The following HPSE2 variants were observed in gnomAD, a reference collection of about 807,000 sequenced individuals.
HPSE2 encodes inactive heparanase-2.
In HPSE2, 38 loss-of-function variants were observed where a neutral mutation model predicts 60.5. The observed-to-expected ratio is 0.63, with a 90% CI of 0.48 to 0.82. The LOEUF is 0.82. HPSE2 is among the 40% of genes least tolerant of loss of function. The pLI is 0.00. For missense variants in HPSE2, 713 were observed against 740.4 expected (o/e 0.96, Z 0.43); for synonymous variants, 295 against 293.2 (o/e 1.01, Z -0.06).
chr10:99,248,271 G>T, the HPSE2 span, among the ~76,000 whole-genome samples: 2 of 152,214 alleles, frequency 1.3e-5, no homozygotes, highest in Non-Finnish European at 2.9e-5. Flanking sequence ...GGACAATGAA[G>T]TCCAGGCTGA....
intron 3 of HPSE2, among the ~76,000 whole-genome samples, chr10:98,897,247 G>A (rs1388099290): frequency 6.6e-6 from 1 of 152,114 alleles, no homozygotes; most frequent in Non-Finnish European, 1.5e-5. Context: ...CACCGCTTGG[G>A]TGATAGGTGC....
intron 9 of HPSE2, among the ~76,000 whole-genome samples, chr10:98,555,702 G>T (rs1300626327): frequency 6.6e-6 from 1 of 152,138 alleles, no homozygotes; most frequent in African/African-American, 2.4e-5. Flanking sequence ...ATAAATTTTG[G>T]TTTTTAAAAC....
intron 3 of HPSE2, among the ~76,000 whole-genome samples, chr10:99,034,048 T>C (rs1289516849): frequency 6.6e-6 from 1 of 152,174 alleles, no homozygotes; most frequent in African/African-American, 2.4e-5. Context: ...AGCAACTTTA[T>C]TCATGACTGC....
chr10:98,938,553 C>G (rs1241799644), intron 3 of HPSE2, among the ~76,000 whole-genome samples: 1 of 142,850 alleles, frequency 7.0e-6, no homozygotes, highest in African/African-American at 2.9e-5. Context: ...AGAATAAAAA[C>G]AAACAAAGCC....
At chr10:98,538,246 C>G (rs190058301) in intron 9 of HPSE2, among the ~76,000 whole-genome samples, 2 of 152,292 alleles carry the variant, frequency 1.3e-5, no homozygotes, top group Admixed American at 1.3e-4. Flanking sequence ...TCATTTATTA[C>G]AATCTTTCGT....
intron 2 of HPSE2, among the ~76,000 whole-genome samples, chr10:99,186,135 C>CAT (rs1554912937): frequency 1.2e-4 from 18 of 150,908 alleles, no homozygotes; most frequent in African/African-American, 4.4e-4. Flanking sequence ...CACACACACA[C>CAT]ACACACACAC....
At chr10:98,988,065 C>G (rs11511376) in intron 3 of HPSE2, among the ~76,000 whole-genome samples, 1 of 142,508 alleles carries the variant, frequency 7.0e-6, no homozygotes, top group Non-Finnish European at 1.6e-5. Flanking sequence ...AATGGCCATA[C>G]TGCCCAAGGT....
intron 6 of HPSE2, among the ~76,000 whole-genome samples, chr10:98,659,817 G>A (rs1947176368): frequency 6.6e-6 from 1 of 152,068 alleles, no homozygotes; most frequent in Non-Finnish European, 1.5e-5. Context: ...AGAAAACAAA[G>A]ACAATCTGGG....
At chr10:98,490,228 A>G (rs768057552) in intron 9 of HPSE2, 32 bp from the exon 10 acceptor site, 3 of 1,611,182 alleles carry the variant, frequency 1.9e-6, no homozygotes, top group Non-Finnish European at 2.5e-6. Flanking sequence ...AGGGTCAGCG[A>G]GAGAACACAT....
At chr10:98,546,152 G>T (rs1466002349) in intron 9 of HPSE2, among the ~76,000 whole-genome samples, 1 of 136,968 alleles carries the variant, frequency 7.3e-6, no homozygotes, top group African/African-American at 2.5e-5. Flanking sequence ...TGAAATAAAA[G>T]AGGATACAAA....
At chr10:98,928,077 G>A (rs1352393004) in intron 3 of HPSE2, among the ~76,000 whole-genome samples, 25 of 146,962 alleles carry the variant, frequency 1.7e-4, no homozygotes, top group Admixed American at 8.1e-4. Context: ...GAAAATTTTC[G>A]CAACCTACTC....
At chr10:98,556,305 T>C (rs904098948) in intron 9 of HPSE2, among the ~76,000 whole-genome samples, 1 of 152,118 alleles carries the variant, frequency 6.6e-6, no homozygotes, top group African/African-American at 2.4e-5. Flanking sequence ...CTAATAGAGA[T>C]AGTACGCTGC....
intron 2 of HPSE2, among the ~76,000 whole-genome samples, chr10:99,229,781 AT>A (rs35767803): frequency 6.6e-6 from 1 of 152,318 alleles, no homozygotes; most frequent in South Asian, 2.1e-4. Flanking sequence ...AAGTAAATAC[AT>A]TTTTTAATAA....
intron 9 of HPSE2, among the ~76,000 whole-genome samples, chr10:98,505,192 T>C (rs1942161228): frequency 6.6e-6 from 1 of 152,218 alleles, no homozygotes; most frequent in Non-Finnish European, 1.5e-5. Flanking sequence ...TAAGAAAATC[T>C]AGAGGAATGT....
intron 3 of HPSE2, among the ~76,000 whole-genome samples, chr10:98,886,735 G>A (rs1953176824): frequency 6.6e-6 from 1 of 152,202 alleles, no homozygotes; most frequent in Non-Finnish European, 1.5e-5. Flanking sequence ...TAAAAATTGA[G>A]AGAATCGGAA....
chr10:98,661,222 A>G (rs530790241), intron 6 of HPSE2, among the ~76,000 whole-genome samples: 19 of 152,372 alleles, frequency 1.2e-4, no homozygotes, highest in Middle Eastern at 6.8e-3. Context: ...AGTCACTGGA[A>G]GCAGCATGAT....
At chr10:98,985,888 A>G (rs916396514) in intron 3 of HPSE2, among the ~76,000 whole-genome samples, 12 of 152,198 alleles carry the variant, frequency 7.9e-5, no homozygotes, top group Non-Finnish European at 1.2e-4. Flanking sequence ...ATCAAAAGAG[A>G]TAAAGAAGGC....
At chr10:99,171,088 C>T (rs529035656) in intron 2 of HPSE2, among the ~76,000 whole-genome samples, 3 of 152,254 alleles carry the variant, frequency 2.0e-5, no homozygotes, top group African/African-American at 7.2e-5. Flanking sequence ...AACCAATCCC[C>T]CACAAATACC....
intron 5 of HPSE2, among the ~76,000 whole-genome samples, chr10:98,701,774 C>CA (rs1948416984): frequency 6.6e-6 from 1 of 151,834 alleles, no homozygotes; most frequent in Non-Finnish European, 1.5e-5. Context: ...ATTTTGTCAC[C>CA]ACCAGCCTGC....
Sources: gnomAD v4.1 joint callset for allele counts (sites outside exome capture counted in the v4.1 genomes callset) on GRCh38, gnomAD v4.1.1 for gene constraint, MANE v1.5 for transcripts, NCBI Gene and HGNC (gene_info 2026-07-23, HGNC 2026-07-21) for gene names.